FHAD1: variants seen among roughly 807,000 people sequenced by gnomAD.
The protein encoded by FHAD1 is forkhead associated phosphopeptide binding domain 1, also known as forkhead-associated domain-containing protein 1.
Under a neutral mutation model 191.3 loss-of-function variants are expected in FHAD1, and 146 were observed. The ratio of observed to expected loss-of-function variants is 0.76; its 90% CI spans 0.67 to 0.88. The LOEUF (loss-of-function observed/expected upper bound fraction) is 0.88, where lower values mean the gene tolerates loss of function less well. FHAD1 is among the 40% of genes least tolerant of loss of function. The pLI, the probability that FHAD1 is intolerant of heterozygous loss-of-function variation, is 0.00. For synonymous variants in FHAD1, 616 were observed against 672.3 expected, an observed-to-expected ratio of 0.92 and a Z score of 1.29; for missense variants, 1,635 against 1,785.8, an observed-to-expected ratio of 0.92 and a Z score of 1.52.
At chr1:15,238,171 C>T (rs762794876) in intron 1 of FHAD1, among the ~76,000 whole-genome samples, 7 of 141,630 alleles carry the variant, frequency 4.9e-5, no homozygotes, top group Admixed American at 7.7e-5. Context: ...TGCTTGAACC[C>T]GGGAGGCAGA....
At position 15,367,466 on chromosome 1, in the gene FHAD1, A is replaced by T; in HGVS notation, c.3158A>T (p.Glu1053Val). 6.4e-7 allele frequency: 1 copy of T among 1,551,048 alleles called. No individual in the cohort carries two copies. Among genetic ancestry groups the T allele is most frequent in the Non-Finnish European group, 8.7e-7 (1 of 1,146,760 alleles). Residue 1053 changes from glutamate to valine, a missense_variant, in exon 25 of 34, where the codon GAG becomes GTG. Coordinates refer to ENST00000688493, the MANE Select transcript of FHAD1 (RefSeq NM_001391957.1). ...CCGGCCCTCCTGTCACTCGCAGGGG[A>T]GCTAAACGAGAAGCAGAAGATGGAA... is the stretch of plus-strand genomic sequence containing the variant. ...AHSRMSDLRG[E>V]LNEKQKMELE...
chr1:15,293,665 C>T (rs978534894), intron 4 of FHAD1, among the ~76,000 whole-genome samples: 7 of 152,170 alleles, frequency 4.6e-5, no homozygotes, highest in Middle Eastern at 3.2e-3. Context: ...TTGCAGTGAG[C>T]TGAGATTGTG....
In FHAD1 at chr1:15,329,672, C is replaced by T. The variant is rs954165506; in HGVS notation, c.1906+131C>T. The T allele has an allele frequency of 2.8e-6, 2 of 716,912 alleles. No homozygotes were observed. The highest frequency in any genetic ancestry group is 4.9e-4 in the Middle Eastern group (2 of 4,042). 44.4% of individuals were successfully genotyped at this position (716,912 alleles called of 1,614,324 possible). On this transcript the variant is annotated intron_variant, in intron 14 of 33. Transcript: ENST00000688493. This position sits in a 1 kb window ranked among gnomAD's most constrained non-coding sequence, Gnocchi z 5.0. Reference sequence around the variant, plus strand: ...AAGTCTATTCCCTTCTCCAGAACCCCCTGCTTCTCTGCTTGAGGCGTAATT... The same window carrying T: ...AAGTCTATTCCCTTCTCCAGAACCCTCTGCTTCTCTGCTTGAGGCGTAATT...
At chr1:15,359,698 C>T (rs1318831349) in intron 21 of FHAD1, among the ~76,000 whole-genome samples, 3 of 151,842 alleles carry the variant, frequency 2.0e-5, no homozygotes, top group Non-Finnish European at 4.4e-5. Flanking sequence ...AAAAAAAATA[C>T]AAAAATTAAT....
At position 15,327,554 on chromosome 1, in the gene FHAD1, TTC is replaced by T. The variant is rs1291397624; in HGVS notation, c.1557+414_1557+415del. 8.9e-4 allele frequency: 148 copies of T among 166,032 alleles called. No individual in the cohort carries two copies. Among genetic ancestry groups the T allele is most frequent in the Non-Finnish European group, 1.3e-4 (10 of 77,144 alleles). 10.3% of individuals were successfully genotyped at this position (166,032 alleles called of 1,614,324 possible). A position where few individuals can be genotyped will look rare whatever the true frequency, so the allele number is the denominator to read the frequency against. ...TGCCTTGCTGTTCTTCCACTACACT[TTC>T]TAGCCCCCTGTGTCAAAGCACAGAT... On this transcript the variant is annotated intron_variant, in intron 12 of 33. Transcript: ENST00000688493. The surrounding 1 kb of genome is among the most constrained non-coding windows in gnomAD (Gnocchi z 5.1).
intron 31 of FHAD1, among the ~76,000 whole-genome samples, chr1:15,382,868 G>A (rs772813517): frequency 6.6e-6 from 1 of 152,192 alleles, no homozygotes; most frequent in African/African-American, 2.4e-5. Flanking sequence ...GGACATTCCC[G>A]GCTGAAGGAG....
intron 26 of FHAD1, among the ~76,000 whole-genome samples, chr1:15,369,729 G>A (rs539379983): frequency 6.6e-6 from 1 of 152,174 alleles, no homozygotes; most frequent in Non-Finnish European, 1.5e-5. Context: ...CCTCGGAGAG[G>A]CCTCCACGTT....
chr1:15,350,432 A>G (rs1421361348), intron 19 of FHAD1, among the ~76,000 whole-genome samples: 1 of 152,238 alleles, frequency 6.6e-6, no homozygotes, highest in Admixed American at 6.5e-5. Flanking sequence ...AAAGTGGCAC[A>G]GGTGTGAAGG....
At chr1:15,394,924 C>A (rs1383460488) in intron 33 of FHAD1, among the ~76,000 whole-genome samples, 1 of 152,056 alleles carries the variant, frequency 6.6e-6, no homozygotes, top group African/African-American at 2.4e-5. Flanking sequence ...GAATTGTTTG[C>A]GAGAGAGATC....
intron 14 of FHAD1, among the ~76,000 whole-genome samples, chr1:15,336,658 C>G (rs114252988): frequency 2.6e-5 from 4 of 152,318 alleles, no homozygotes; most frequent in Non-Finnish European, 4.4e-5. Flanking sequence ...TCTTTCGCTC[C>G]TTTTCAATTG....
At chr1:15,296,895 G>T (rs1366949060) in intron 5 of FHAD1, 102 bp downstream of exon 5, 3 of 885,738 alleles carry the variant, frequency 3.4e-6, no homozygotes, top group South Asian at 1.8e-5. Context: ...CCCTTATCCT[G>T]CTTCCAAGAA....
At chr1:15,239,273 A>C (rs899589961) in intron 1 of FHAD1, among the ~76,000 whole-genome samples, 1 of 152,106 alleles carries the variant, frequency 6.6e-6, no homozygotes, top group Non-Finnish European at 1.5e-5. Context: ...TGCTCTGAGC[A>C]CCAGGGATGC....
At chr1:15,290,715 G>A (rs1041978110) in intron 4 of FHAD1, among the ~76,000 whole-genome samples, 13 of 147,404 alleles carry the variant, frequency 8.8e-5, no homozygotes, top group Non-Finnish European at 3.0e-5. Context: ...TTTTTTGGAC[G>A]GAGTCTCCCT....
chr1:15,312,307 C>G lies in FHAD1; in HGVS notation c.1040-750C>G, dbSNP rs1451631436. The G allele has an allele frequency of 2.0e-5, 3 of 152,196 alleles. No individual in the cohort carries two copies. Among genetic ancestry groups the G allele is most frequent in the African/African-American group, 7.2e-5 (3 of 41,444 alleles). 9.4% of individuals were successfully genotyped at this position (152,196 alleles called of 1,614,324 possible). ...GGGAATAAACACTATGTGTTAGCCA[C>G]TCTACTATGTTCTTTATACAACTCT... On this transcript the variant is annotated intron_variant, in intron 7 of 33. Coordinates refer to ENST00000688493, the MANE Select transcript of FHAD1 (RefSeq NM_001391957.1). The surrounding 1 kb of genome is among the most constrained non-coding windows in gnomAD (Gnocchi z 4.7).
chr1:15,338,259 G>A (rs1428702126), intron 14 of FHAD1, among the ~76,000 whole-genome samples: 1 of 152,140 alleles, frequency 6.6e-6, no homozygotes, highest in Non-Finnish European at 1.5e-5. Context: ...AGTTTCACTG[G>A]GCTAAAGTTC....
At chr1:15,275,531 C>G (rs1391506203) in intron 3 of FHAD1, among the ~76,000 whole-genome samples, 4 of 152,148 alleles carry the variant, frequency 2.6e-5, no homozygotes, top group Non-Finnish European at 2.9e-5. Context: ...CAGAGCATTC[C>G]TAGATCAAGA....
intron 33 of FHAD1, among the ~76,000 whole-genome samples, chr1:15,393,625 C>G (rs1212514655): frequency 6.7e-6 from 1 of 150,200 alleles, no homozygotes. Context: ...TTTTTGGAGA[C>G]CGTGTCTTGC....
Position 15,313,308 on chromosome 1 carries a change from C to A in FHAD1, c.1170+121C>A. 3 of 777,276 alleles carry A rather than the reference C, an allele frequency of 3.9e-6. No individual in the cohort carries two copies. The South Asian group carries it at 8.6e-5, about 22-fold the overall frequency. The allele number at this position is 777,276 out of a possible 1,614,324, so 48.1% of individuals were successfully genotyped here. ...TAGTTTAAATTTCATTCCTTCCTCTCACACCATTGTGCTGGGGGCGGGGTG... is the reference window on the plus strand; with the variant it reads ...TAGTTTAAATTTCATTCCTTCCTCTAACACCATTGTGCTGGGGGCGGGGTG... On this transcript the variant is annotated intron_variant, in intron 8 of 33. Transcript: ENST00000688493.
chr1:15,389,457 A>AAAAAAAC (rs1553124227), intron 32 of FHAD1, among the ~76,000 whole-genome samples: 1 of 150,620 alleles, frequency 6.6e-6, no homozygotes, highest in African/African-American at 2.5e-5. Context: ...CAAAAAAAAA[A>AAAAAAAC]AAAAAAAAAA....
Sources: allele counts gnomAD v4.1 joint callset (sites outside exome capture counted in the v4.1 genomes callset), GRCh38; gene constraint gnomAD v4.1.1; non-coding constraint Gnocchi (gnomAD v3.1); transcripts MANE v1.5; gene names NCBI Gene and HGNC (gene_info 2026-07-23, HGNC 2026-07-21).